GABRG3: variants seen among roughly 807,000 people sequenced by gnomAD.
The protein encoded by GABRG3 is gamma-aminobutyric acid receptor subunit gamma-3.
Under a neutral mutation model 48.8 loss-of-function variants are expected in GABRG3, and 25 were observed. That is an observed-to-expected ratio of 0.51 (90% CI 0.37 to 0.72). The LOEUF (loss-of-function observed/expected upper bound fraction) is 0.72. Among genes scored for constraint, GABRG3 ranks in the 30% least tolerant of loss-of-function variants. The pLI is 0.00. For missense variants in GABRG3, 394 were observed against 577.9 expected (o/e 0.68, Z 3.26); for synonymous variants, 227 against 217.6 (o/e 1.04, Z -0.38).
chr15:27,499,231 C>A (rs1890561059), intron 6 of GABRG3, among the ~76,000 whole-genome samples: 1 of 152,138 alleles, frequency 6.6e-6, no homozygotes, highest in South Asian at 2.1e-4. Flanking sequence ...AAACTCAGAT[C>A]AATGAAGTGG....
chr15:27,472,094 T>C (rs1889802942), intron 5 of GABRG3, among the ~76,000 whole-genome samples: 1 of 152,204 alleles, frequency 6.6e-6, no homozygotes, highest in Admixed American at 6.5e-5. Flanking sequence ...ATATAGTGTG[T>C]CTTTACATTT....
chr15:27,335,587 A>G (rs1893937680), intron 5 of GABRG3, among the ~76,000 whole-genome samples: 1 of 152,122 alleles, frequency 6.6e-6, no homozygotes, highest in Non-Finnish European at 1.5e-5. Context: ...CAAAAAAGGG[A>G]TGAGTACTCT....
chr15:27,391,244 A>C lies in GABRG3; in HGVS notation c.574+62356A>C, dbSNP rs183645236. Among the ~76,000 whole-genome samples, 1,153 of 152,280 alleles carry C rather than the reference A, an allele frequency of 7.6e-3. 9 individuals are homozygous for C. Among genetic ancestry groups the C allele is most frequent in the Admixed American group, 0.019 (295 of 15,298 alleles). Reference sequence around the variant, plus strand: ...TTATTATAGTTCTATTACACTTGTAAAGCAATATGCTGTTACAGGAAATGA... The same window carrying C: ...TTATTATAGTTCTATTACACTTGTACAGCAATATGCTGTTACAGGAAATGA... On this transcript the variant is annotated intron_variant, in intron 5 of 9. Coordinates refer to ENST00000615808, the MANE Select transcript of GABRG3 (RefSeq NM_033223.5).
Position 27,540,709 on chromosome 15 carries a change from A to G in GABRG3, c.*7828A>G, listed in dbSNP as rs988649080. 6.6e-6 allele frequency: 1 copy of G among 152,218 alleles called. No homozygotes were observed. Among genetic ancestry groups the G allele is most frequent in the Non-Finnish European group, 1.5e-5 (1 of 68,046 alleles). The allele number at this position is 152,218 out of a possible 1,614,324, so 9.4% of individuals were successfully genotyped here. A position where few individuals can be genotyped will look rare whatever the true frequency, so the allele number is the denominator to read the frequency against. Reference sequence around the variant, plus strand: ...TTTACGTGCAGCTCCGGTACTGAGCAAAAGGTTCGTTGTTTAGGAGTGAAA... The same window carrying G: ...TTTACGTGCAGCTCCGGTACTGAGCGAAAGGTTCGTTGTTTAGGAGTGAAA... On this transcript the variant is annotated 3_prime_UTR_variant, in exon 10 of 10. Coordinates refer to ENST00000615808, the MANE Select transcript of GABRG3 (RefSeq NM_033223.5).
At chr15:27,519,679 CTCA>C (rs1316022418) in intron 6 of GABRG3, among the ~76,000 whole-genome samples, 1 of 152,134 alleles carries the variant, frequency 6.6e-6, no homozygotes, top group Non-Finnish European at 1.5e-5. Context: ...GTGATAATAG[CTCA>C]TCAACTCATG....
chr15:27,462,074 G>A (rs547014156), intron 5 of GABRG3, among the ~76,000 whole-genome samples: 3 of 152,058 alleles, frequency 2.0e-5, no homozygotes, highest in South Asian at 4.2e-4. Flanking sequence ...TGTCTTCCTC[G>A]TTCTTCCTGA....
At chr15:27,442,312 C>CCACAAGAGGGATG (rs1888813398) in intron 5 of GABRG3, among the ~76,000 whole-genome samples, 1 of 152,222 alleles carries the variant, frequency 6.6e-6, no homozygotes, top group Non-Finnish European at 1.5e-5. Flanking sequence ...CCTGAGAGCT[C>CCACAAGAGGGATG]CACAAGAGGG....
intron 3 of GABRG3, among the ~76,000 whole-genome samples, chr15:27,265,881 G>GTTTTT (rs147459440): frequency 0.023 from 2,868 of 124,722 alleles, 246 homozygotes; most frequent in Non-Finnish European, 0.03. Context: ...ATTTTCTCCT[G>GTTTTT]GTTTTTTTTT....
chr15:27,033,398 A>G (rs1182973739), intron 3 of GABRG3, among the ~76,000 whole-genome samples: 3 of 152,046 alleles, frequency 2.0e-5, no homozygotes, highest in Non-Finnish European at 2.9e-5. Context: ...CTTGATTTGG[A>G]AATTTAAGTT....
intron 3 of GABRG3, among the ~76,000 whole-genome samples, chr15:27,317,865 A>G (rs937395992): frequency 3.3e-5 from 5 of 151,180 alleles, no homozygotes; most frequent in Non-Finnish European, 7.4e-5. Flanking sequence ...AGACTTCTGC[A>G]CATCCTTAGC....
At chr15:27,332,391 G>A (rs928496695) in intron 5 of GABRG3, among the ~76,000 whole-genome samples, 1 of 152,140 alleles carries the variant, frequency 6.6e-6, no homozygotes, top group East Asian at 1.9e-4. Flanking sequence ...GCATGTGCCA[G>A]CTCGGGAGGC....
intron 1 of GABRG3, among the ~76,000 whole-genome samples, chr15:26,972,524 C>T (rs1004138238): frequency 6.6e-6 from 1 of 152,128 alleles, no homozygotes; most frequent in South Asian, 2.1e-4. Context: ...TGGCCTTTAC[C>T]TCTTTCCCCA....
chr15:27,307,969 TATAAACATATATAAA>T (rs1892733476), intron 3 of GABRG3, among the ~76,000 whole-genome samples: 1 of 136,472 alleles, frequency 7.3e-6, no homozygotes, highest in Non-Finnish European at 1.5e-5. Context: ...CATGTTTATA[TATAAACATATATAAA>T]ATAAACATAT....
intron 5 of GABRG3, among the ~76,000 whole-genome samples, chr15:27,430,533 C>G (rs1251024874): frequency 6.6e-6 from 1 of 152,080 alleles, no homozygotes; most frequent in Non-Finnish European, 1.5e-5. Flanking sequence ...AGTTTTAACA[C>G]TGGCATCTAG....
intron 5 of GABRG3, among the ~76,000 whole-genome samples, chr15:27,334,587 C>T (rs72703816): frequency 5.6e-4 from 85 of 152,198 alleles, no homozygotes; most frequent in Non-Finnish European, 1.1e-3. Flanking sequence ...CTGCTGTTAG[C>T]GTGTCTTGAA....
At chr15:27,282,339 T>G (rs1399173310) in intron 3 of GABRG3, among the ~76,000 whole-genome samples, 1 of 152,176 alleles carries the variant, frequency 6.6e-6, no homozygotes, top group Non-Finnish European at 1.5e-5. Context: ...TCTAATGATG[T>G]GAATGTCATA....
chr15:27,249,163 C>T (rs903352163), intron 3 of GABRG3, among the ~76,000 whole-genome samples: 1 of 152,264 alleles, frequency 6.6e-6, no homozygotes, highest in Non-Finnish European at 1.5e-5. Flanking sequence ...AGGTGGTGAG[C>T]GATGCTGGAA....
rs1894929169 is a variant in GABRG3, at chr15:26,975,685, T to C, written c.54-1317T>C. On this transcript the variant is annotated intron_variant, in intron 1 of 9. Coordinates refer to ENST00000615808, the MANE Select transcript of GABRG3 (RefSeq NM_033223.5). The surrounding 1 kb of genome is among the most constrained non-coding windows in gnomAD (Gnocchi z 4.6). ...TTTTAAATTAACATCTTGTTAATTA[T>C]AGATAATTTAGACAATTCTCAAAAT... Among the ~76,000 whole-genome samples, 1 of 152,226 alleles carries C rather than the reference T, an allele frequency of 6.6e-6. No homozygotes were observed. The highest frequency in any genetic ancestry group is 2.4e-5 in the African/African-American group (1 of 41,456).
intron 3 of GABRG3, among the ~76,000 whole-genome samples, chr15:27,228,922 T>C (rs1421901017): frequency 6.6e-6 from 1 of 152,248 alleles, no homozygotes; most frequent in Non-Finnish European, 1.5e-5. Context: ...TTTGTTTTTC[T>C]CTTGTAAATT....
Sources: gnomAD v4.1 joint callset for allele counts (sites outside exome capture counted in the v4.1 genomes callset) on GRCh38, gnomAD v4.1.1 for gene constraint, Gnocchi (gnomAD v3.1) non-coding constraint, MANE v1.5 for transcripts, NCBI Gene and HGNC (gene_info 2026-07-23, HGNC 2026-07-21) for gene names.